Variants in TSNARE1 observed in about 807,000 individuals in gnomAD.
TSNARE1 encodes the protein t-SNARE domain-containing protein 1.
A neutral mutation model predicts 62.0 loss-of-function variants in TSNARE1; 49 were observed. The ratio of observed to expected loss-of-function variants is 0.79; its 90% CI spans 0.63 to 1.00. TSNARE1 has a LOEUF of 1.00. Among genes scored for constraint, TSNARE1 ranks in the 50% least tolerant of loss-of-function variants. TSNARE1 has a pLI of 0.00. For missense variants in TSNARE1, 755 were observed against 700.1 expected (o/e 1.08, Z -0.88); for synonymous variants, 328 against 294.4 (o/e 1.11, Z -1.17).
chr8:142,285,455 A>G (rs1586552357), intron 10 of TSNARE1, among the ~76,000 whole-genome samples: 2 of 49,162 alleles, frequency 4.1e-5, no homozygotes, highest in Non-Finnish European at 7.7e-5. Flanking sequence ...TGGGTGGGGT[A>G]GGTGGATGGA....
intron 12 of TSNARE1, among the ~76,000 whole-genome samples, chr8:142,248,137 G>A (rs932944014): frequency 2.0e-5 from 3 of 152,264 alleles, no homozygotes; most frequent in Admixed American, 6.5e-5. Context: ...CCTCCACCTC[G>A]CCCTCTGCCT....
At chr8:142,268,561 C>T (rs569866562) in intron 12 of TSNARE1, among the ~76,000 whole-genome samples, 11 of 152,338 alleles carry the variant, frequency 7.2e-5, no homozygotes, top group African/African-American at 1.4e-4. Context: ...GCAGATTGCA[C>T]GCTGCCTACC....
At chr8:142,316,236 T>C (rs1284240376) in intron 7 of TSNARE1, among the ~76,000 whole-genome samples, 1 of 151,756 alleles carries the variant, frequency 6.6e-6, no homozygotes, top group Non-Finnish European at 1.5e-5. Context: ...ATGCTGGTCA[T>C]GACGCTGCTG....
intron 9 of TSNARE1, among the ~76,000 whole-genome samples, chr8:142,311,554 C>T (rs1157823394): frequency 1.3e-5 from 2 of 152,100 alleles, no homozygotes; most frequent in African/African-American, 4.8e-5. Context: ...ACCTCGGCCT[C>T]CCAAAGTGCT....
intron 1 of TSNARE1, among the ~76,000 whole-genome samples, chr8:142,370,851 A>C (rs949080741): frequency 5.3e-5 from 8 of 151,468 alleles, no homozygotes; most frequent in African/African-American, 1.5e-4. Context: ...CAAAAAACAA[A>C]AAAAAAAAAA....
chr8:142,338,309 A>G (rs1024908358), intron 4 of TSNARE1, among the ~76,000 whole-genome samples: 7 of 152,178 alleles, frequency 4.6e-5, no homozygotes, highest in Non-Finnish European at 8.8e-5. Flanking sequence ...GTGGGATTAC[A>G]AGGGTCTGGG....
intron 6 of TSNARE1, among the ~76,000 whole-genome samples, chr8:142,329,437 G>A (rs905025976): frequency 2.6e-5 from 4 of 152,214 alleles, no homozygotes; most frequent in South Asian, 2.1e-4. Context: ...GCCAGGGTCC[G>A]GACGTGCCCA....
At chr8:142,257,725 C>T (rs908389478) in intron 12 of TSNARE1, among the ~76,000 whole-genome samples, 3 of 152,092 alleles carry the variant, frequency 2.0e-5, no homozygotes, top group East Asian at 1.9e-4. Context: ...GGGTGGGAGG[C>T]CTGGCCCTGG....
chr8:142,297,025 G>C (rs1394464999), intron 10 of TSNARE1, among the ~76,000 whole-genome samples: 2 of 152,200 alleles, frequency 1.3e-5, no homozygotes, highest in African/African-American at 4.8e-5. Flanking sequence ...GGCTGTCCCA[G>C]CTGGCAAGTC....
chr8:142,353,660 A>C (rs1834401049), intron 2 of TSNARE1, among the ~76,000 whole-genome samples: 1 of 152,146 alleles, frequency 6.6e-6, no homozygotes. Flanking sequence ...GGGGCTGCCA[A>C]GGAGCCAGCG....
intron 13 of TSNARE1, among the ~76,000 whole-genome samples, chr8:142,218,071 ATCAGGGTTCAGAGAGTGGCCAGG>A (rs202187128): frequency 2.0e-4 from 16 of 78,976 alleles, no homozygotes; most frequent in African/African-American, 3.7e-4. Flanking sequence ...TGTGAGCAGG[ATCAGGGTTCAGAGAGTGGCCAGG>A]TCAGGGCTCA....
chr8:142,385,214 C>T (rs1479427620), intron 1 of TSNARE1, among the ~76,000 whole-genome samples: 1 of 152,130 alleles, frequency 6.6e-6, no homozygotes, highest in African/African-American at 2.4e-5. Flanking sequence ...AAAGACAATA[C>T]AGTGACACCT....
chr8:142,284,609 A>G (rs1272570168), intron 10 of TSNARE1, 124 bp from the exon 11 acceptor site: 1 of 752,698 alleles, frequency 1.3e-6, no homozygotes, highest in Non-Finnish European at 2.3e-6. Context: ...GGAACCAGAG[A>G]ACAGCTGGGG....
rs180935518 is a variant in TSNARE1, at chr8:142,275,700, G to A, written c.1364-837C>T. On this transcript the variant is annotated intron_variant, in intron 11 of 13. Coordinates refer to ENST00000524325, the MANE Select transcript of TSNARE1 (RefSeq NM_145003.5). ...AAGGCCTGCCTCCAATCAGGCAACT[G>A]GAGAAGAGCTTGGGAGGCAGGAGTA... 5.1e-5 allele frequency: 50 copies of A among 985,466 alleles called. No homozygotes were observed. In the African/African-American group the frequency reaches 8.2e-4, roughly 16 times the overall value. The allele number at this position is 985,466 out of a possible 1,614,324, so 61.0% of individuals were successfully genotyped here. A position where few individuals can be genotyped will look rare whatever the true frequency, so the allele number is the denominator to read the frequency against.
At chr8:142,313,185 T>C (rs1333040874) in intron 9 of TSNARE1, among the ~76,000 whole-genome samples, 1 of 152,218 alleles carries the variant, frequency 6.6e-6, no homozygotes, top group Non-Finnish European at 1.5e-5. Context: ...TATCTGCATG[T>C]CTACATGTCT....
At chr8:142,361,553 G>A (rs1399432663) in intron 1 of TSNARE1, among the ~76,000 whole-genome samples, 4 of 152,202 alleles carry the variant, frequency 2.6e-5, no homozygotes, top group Non-Finnish European at 4.4e-5. Flanking sequence ...TGGCCTCCAC[G>A]GTGCCCACCT....
chr8:142,315,931 T>C (rs965396017), intron 7 of TSNARE1, among the ~76,000 whole-genome samples: 2 of 152,158 alleles, frequency 1.3e-5, no homozygotes, highest in African/African-American at 4.8e-5. Context: ...GTCAAAGACG[T>C]GGTAGGCACT....
intron 6 of TSNARE1, among the ~76,000 whole-genome samples, chr8:142,324,978 A>C (rs1419001249): frequency 2.6e-5 from 4 of 152,216 alleles, no homozygotes; most frequent in Non-Finnish European, 5.9e-5. Flanking sequence ...CAGTAGGTAC[A>C]CTGCCCCGTC....
At chr8:142,224,578 T>C (rs1816684734) in intron 13 of TSNARE1, among the ~76,000 whole-genome samples, 1 of 152,218 alleles carries the variant, frequency 6.6e-6, no homozygotes, top group African/African-American at 2.4e-5. Flanking sequence ...CAGGGCCTAC[T>C]TGGTGCAGCC....
Sources: gnomAD v4.1 joint callset for allele counts (sites outside exome capture counted in the v4.1 genomes callset) on GRCh38, gnomAD v4.1.1 for gene constraint, MANE v1.5 for transcripts, NCBI Gene and HGNC (gene_info 2026-07-23, HGNC 2026-07-21) for gene names.